The following TBC1D22A variants were observed in gnomAD, a reference collection of about 807,000 sequenced individuals.
The protein encoded by TBC1D22A is putative GTPase activator.
Under a neutral mutation model 60.2 loss-of-function variants are expected in TBC1D22A, and 38 were observed. The observed-to-expected ratio is 0.63, with a 90% CI of 0.49 to 0.83. The LOEUF (loss-of-function observed/expected upper bound fraction) is 0.83. Among genes scored for constraint, TBC1D22A ranks in the 40% least tolerant of loss-of-function variants. The probability of loss-of-function intolerance (pLI) is 0.00; values close to 1 mark genes in which losing one functional copy is unlikely to be tolerated. For synonymous variants in TBC1D22A, 302 were observed against 281.7 expected, an observed-to-expected ratio of 1.07 and a Z score of -0.72; for missense variants, 628 against 701.0, an observed-to-expected ratio of 0.90 and a Z score of 1.18.
chr22:46,944,941 GA>G (rs1173888958), intron 8 of TBC1D22A, among the ~76,000 whole-genome samples: 2 of 152,182 alleles, frequency 1.3e-5, no homozygotes, highest in African/African-American at 4.8e-5. Flanking sequence ...TTTTAAGATA[GA>G]TAATTAAATA....
chr22:46,896,246 C>G (rs2068672845), intron 7 of TBC1D22A, among the ~76,000 whole-genome samples: 1 of 152,140 alleles, frequency 6.6e-6, no homozygotes. Flanking sequence ...TTGATCTTTA[C>G]ATGGTAAGAA....
chr22:46,933,018 C>T (rs1433935392), intron 8 of TBC1D22A, among the ~76,000 whole-genome samples: 10 of 152,128 alleles, frequency 6.6e-5, no homozygotes, highest in Non-Finnish European at 7.4e-5. Flanking sequence ...CCACTGTGCC[C>T]GGCCTCCTCC....
At chr22:46,889,719 A>G (rs2068297883) in intron 5 of TBC1D22A, among the ~76,000 whole-genome samples, 1 of 152,174 alleles carries the variant, frequency 6.6e-6, no homozygotes, top group Non-Finnish European at 1.5e-5. Flanking sequence ...TGTGCTGCTG[A>G]GTGAAGGAAA....
At chr22:46,974,213 C>T (rs1292144787) in intron 8 of TBC1D22A, 77 bp from the exon 9 acceptor site, 5 of 1,237,856 alleles carry the variant, frequency 4.0e-6, no homozygotes, top group South Asian at 1.3e-5. Context: ...CAGCTCTGTT[C>T]CTCCGTGGGC....
intron 4 of TBC1D22A, among the ~76,000 whole-genome samples, chr22:46,851,371 C>A (rs980012054): frequency 2.0e-5 from 3 of 152,244 alleles, no homozygotes; most frequent in East Asian, 3.9e-4. Flanking sequence ...TCTCAGGTCA[C>A]AGAGCCCCTC....
chr22:46,908,188 G>A (rs1367466858), intron 7 of TBC1D22A, among the ~76,000 whole-genome samples: 1 of 152,228 alleles, frequency 6.6e-6, no homozygotes, highest in African/African-American at 2.4e-5. Context: ...CCAGGAGACT[G>A]TCACTGCGGA....
In TBC1D22A at chr22:46,912,074, AT is replaced by A; in HGVS notation, c.906del (p.Phe302LeufsTer21). ...ALILQPKVTEIFERILFIWAI... is the reference protein window; with the variant it reads ...ALILQPKVTEXFERILFIWAI... ...TACCACCTGTTCCATTTTCTTTCAG[AT>A]TTTTGAAAGGATCTTGTTCATATGG... is the stretch of plus-strand genomic sequence containing the variant. On this transcript the variant is annotated frameshift_variant and splice_region_variant, in exon 8 of 13. Coordinates refer to ENST00000337137, the MANE Select transcript of TBC1D22A (RefSeq NM_014346.5). LOFTEE classifies it high-confidence loss of function. 6.2e-7 allele frequency: 1 copy of A among 1,609,472 alleles called. No individual in the cohort carries two copies. The highest frequency in any genetic ancestry group is 1.3e-5 in the African/African-American group (1 of 74,896).
chr22:47,058,618 T>G (rs1272364511), intron 11 of TBC1D22A, among the ~76,000 whole-genome samples: 5 of 151,908 alleles, frequency 3.3e-5, no homozygotes. Flanking sequence ...TTACACATTA[T>G]CATGTACCTG....
intron 10 of TBC1D22A, among the ~76,000 whole-genome samples, chr22:47,027,904 C>G (rs6009107): frequency 6.6e-6 from 1 of 151,768 alleles, no homozygotes; most frequent in Admixed American, 6.6e-5. Flanking sequence ...CCACTCCTCC[C>G]CCCTGGGCAG....
intron 12 of TBC1D22A, among the ~76,000 whole-genome samples, chr22:47,156,815 G>A (rs1274649041): frequency 6.6e-6 from 1 of 152,188 alleles, no homozygotes; most frequent in Non-Finnish European, 1.5e-5. Flanking sequence ...TGCTACCCGG[G>A]AGCCACTGCT....
intron 9 of TBC1D22A, among the ~76,000 whole-genome samples, chr22:46,988,817 C>T (rs1464374454): frequency 2.0e-5 from 3 of 152,236 alleles, no homozygotes; most frequent in Admixed American, 1.3e-4. Flanking sequence ...GCTTTAGCCT[C>T]TAACAAGAGA....
intron 1 of TBC1D22A, among the ~76,000 whole-genome samples, chr22:46,784,237 T>C (rs2084063628): frequency 1.3e-5 from 2 of 152,024 alleles, no homozygotes; most frequent in African/African-American, 4.8e-5. Context: ...AGAGATGGGG[T>C]CTCACTATGT....
At chr22:46,935,242 T>C (rs1372189061) in intron 8 of TBC1D22A, among the ~76,000 whole-genome samples, 1 of 152,204 alleles carries the variant, frequency 6.6e-6, no homozygotes, top group African/African-American at 2.4e-5. Flanking sequence ...CTCCTGTAGC[T>C]CACATTCAGA....
At chr22:47,005,057 C>G (rs1314421798) in intron 10 of TBC1D22A, among the ~76,000 whole-genome samples, 3 of 151,840 alleles carry the variant, frequency 2.0e-5, no homozygotes, top group Non-Finnish European at 2.9e-5. Flanking sequence ...ACCATATACA[C>G]ACACCTGCCA....
chr22:46,941,405 A>AAT (rs944320226), intron 8 of TBC1D22A, among the ~76,000 whole-genome samples: 1 of 104,280 alleles, frequency 9.6e-6, no homozygotes, highest in African/African-American at 4.3e-5. Context: ...ATATACACAG[A>AAT]ATATATATAC....
At position 46,778,381 on chromosome 22, in the gene TBC1D22A, C is replaced by T. The variant is rs184641198; in HGVS notation, c.63-14139C>T. On this transcript the variant is annotated intron_variant, in intron 1 of 12. Coordinates refer to ENST00000337137, the MANE Select transcript of TBC1D22A (RefSeq NM_014346.5). ...TGACACATAGCTTAGAACACAAATACGTTGTACAGCTGCACCAAGATATTT... is the reference window on the plus strand; with the variant it reads ...TGACACATAGCTTAGAACACAAATATGTTGTACAGCTGCACCAAGATATTT... Among the ~76,000 whole-genome samples, 419 of 152,266 alleles carry T rather than the reference C, an allele frequency of 2.8e-3. 2 individuals are homozygous for T. The highest frequency in any genetic ancestry group is 4.9e-3 in the Non-Finnish European group (334 of 68,024).
chr22:46,904,848 C>T (rs1247971446), intron 7 of TBC1D22A, among the ~76,000 whole-genome samples: 2 of 150,402 alleles, frequency 1.3e-5, no homozygotes, highest in Admixed American at 6.6e-5. Flanking sequence ...AATCTCAGCT[C>T]ACTGCCAGCT....
intron 11 of TBC1D22A, among the ~76,000 whole-genome samples, chr22:47,037,563 G>C (rs746645849): frequency 2.6e-5 from 4 of 152,176 alleles, no homozygotes; most frequent in Non-Finnish European, 4.4e-5. Flanking sequence ...CCCGGGAGGC[G>C]GAGGTTGCAG....
chr22:46,979,352 A>G (rs2074423275), intron 9 of TBC1D22A, among the ~76,000 whole-genome samples: 1 of 152,234 alleles, frequency 6.6e-6, no homozygotes, highest in Non-Finnish European at 1.5e-5. Context: ...TTGAAGTGAC[A>G]GGCCAACTTC....
Sources: allele counts gnomAD v4.1 joint callset (sites outside exome capture counted in the v4.1 genomes callset), GRCh38; gene constraint gnomAD v4.1.1; transcripts MANE v1.5; gene names NCBI Gene and HGNC (gene_info 2026-07-23, HGNC 2026-07-21).